GRM8: variants seen among roughly 807,000 people sequenced by gnomAD.
GRM8 encodes glutamate metabotropic receptor 8, also known as metabotropic glutamate receptor 8.
Under a neutral mutation model 87.2 loss-of-function variants are expected in GRM8, and 47 were observed. The ratio of observed to expected loss-of-function variants is 0.54; its 90% CI spans 0.43 to 0.69. The LOEUF (loss-of-function observed/expected upper bound fraction) is 0.69, where lower values mean the gene tolerates loss of function less well. GRM8 is among the 30% of genes least tolerant of loss of function. The pLI, the probability that GRM8 is intolerant of heterozygous loss-of-function variation, is 0.00. For missense variants in GRM8, 1,019 were observed against 1,139.2 expected (o/e 0.89, Z 1.52); for synonymous variants, 396 against 404.5 (o/e 0.98, Z 0.25).
intron 3 of GRM8, among the ~76,000 whole-genome samples, chr7:126,943,918 C>T (rs1224598644): frequency 6.6e-6 from 1 of 152,204 alleles, no homozygotes; most frequent in African/African-American, 2.4e-5. Context: ...TTCTAAAGGA[C>T]TCGTTTCACC....
chr7:126,807,131 C>A (rs1480342175), intron 6 of GRM8, among the ~76,000 whole-genome samples: 1 of 152,192 alleles, frequency 6.6e-6, no homozygotes, highest in Non-Finnish European at 1.5e-5. Flanking sequence ...ATGAAGTACA[C>A]AAGCATTACT....
At chr7:127,038,351 G>T (rs150842801) in intron 3 of GRM8, among the ~76,000 whole-genome samples, 1 of 152,272 alleles carries the variant, frequency 6.6e-6, no homozygotes, top group East Asian at 1.9e-4. Context: ...AATACGAGAG[G>T]AGAGGATGGG....
chr7:126,904,171 T>C (rs575560253), intron 4 of GRM8, 45 bp from the exon 5 acceptor site: 2 of 1,479,748 alleles, frequency 1.4e-6, no homozygotes, highest in African/African-American at 2.8e-5. Flanking sequence ...GTATTAAAAA[T>C]ACCACAATTA....
intron 3 of GRM8, among the ~76,000 whole-genome samples, chr7:126,969,565 T>C (rs1232307891): frequency 2.6e-5 from 4 of 152,182 alleles, no homozygotes; most frequent in South Asian, 2.1e-4. Context: ...AAATTCCACT[T>C]CTAATTCTAG....
In GRM8 at chr7:127,066,612, G is replaced by A. The variant is rs17866032; in HGVS notation, c.727+39884C>T. ...TATAGTGATGAGATCTGGGTAATTA[G>A]CATATTCATCAACTCAAATACTTAT... On this transcript the variant is annotated intron_variant, in intron 3 of 10. Coordinates refer to ENST00000339582, the MANE Select transcript of GRM8 (RefSeq NM_000845.3). Among the ~76,000 whole-genome samples the A allele has an allele frequency of 4.6e-5, 7 of 152,148 alleles. No individual in the cohort carries two copies. The East Asian group carries it at 9.7e-4, about 21-fold the overall frequency.
intron 3 of GRM8, among the ~76,000 whole-genome samples, chr7:127,096,558 TAAA>T (rs11315693): frequency 7.1e-6 from 1 of 140,438 alleles, no homozygotes; most frequent in Non-Finnish European, 1.6e-5. Flanking sequence ...AGACTGGGTC[TAAA>T]AAAAAAAAAA....
intron 3 of GRM8, among the ~76,000 whole-genome samples, chr7:126,976,610 C>A (rs17869692): frequency 0.011 from 1,665 of 151,122 alleles, 35 homozygotes; most frequent in East Asian, 0.091. Flanking sequence ...ACAACAACAA[C>A]AAAAAAAACG....
chr7:127,229,538 T>A (rs140877695), intron 2 of GRM8: 3 of 152,046 alleles, frequency 2.0e-5, no homozygotes, highest in Admixed American at 2.0e-4. Flanking sequence ...AGAGGAAAAA[T>A]ATCCAAGGAT....
At chr7:126,787,277 G>T (rs1213183653) in intron 6 of GRM8, among the ~76,000 whole-genome samples, 1 of 152,156 alleles carries the variant, frequency 6.6e-6, no homozygotes, top group Non-Finnish European at 1.5e-5. Flanking sequence ...AACAAATTTA[G>T]ATGGCCATTT....
At chr7:126,893,579 A>G (rs976360482) in intron 6 of GRM8, among the ~76,000 whole-genome samples, 3 of 151,996 alleles carry the variant, frequency 2.0e-5, no homozygotes, top group African/African-American at 7.2e-5. Flanking sequence ...TTATAGACCA[A>G]TTAATTAACT....
intron 6 of GRM8, among the ~76,000 whole-genome samples, chr7:126,829,234 T>C (rs1586108729): frequency 6.8e-6 from 1 of 146,808 alleles, no homozygotes; most frequent in South Asian, 2.3e-4. Context: ...GGTGCAGAGC[T>C]GAGTTCAATT....
chr7:126,929,993 T>C (rs1805595305), intron 3 of GRM8, among the ~76,000 whole-genome samples: 1 of 152,194 alleles, frequency 6.6e-6, no homozygotes, highest in African/African-American at 2.4e-5. Context: ...ATGTATTTCA[T>C]TGAATTAATA....
chr7:127,034,501 C>T (rs1817669300), intron 3 of GRM8, among the ~76,000 whole-genome samples: 1 of 152,166 alleles, frequency 6.6e-6, no homozygotes, highest in Admixed American at 6.6e-5. Flanking sequence ...CCAACAGTTG[C>T]TCTGCTATAC....
At chr7:126,947,125 T>G (rs940161844) in intron 3 of GRM8, among the ~76,000 whole-genome samples, 4 of 152,230 alleles carry the variant, frequency 2.6e-5, no homozygotes, top group African/African-American at 9.6e-5. Context: ...AGGCTTCATT[T>G]ACTCTTCATT....
intron 9 of GRM8, among the ~76,000 whole-genome samples, chr7:126,477,353 G>A (rs1432888663): frequency 1.3e-5 from 2 of 152,068 alleles, no homozygotes; most frequent in Admixed American, 1.3e-4. Flanking sequence ...CTAAAAATTT[G>A]TTAAGAGAGT....
At chr7:126,838,626 C>T (rs985058263) in intron 6 of GRM8, among the ~76,000 whole-genome samples, 2 of 152,188 alleles carry the variant, frequency 1.3e-5, no homozygotes, top group African/African-American at 4.8e-5. Flanking sequence ...TGCTAAGAAG[C>T]ACTGTAATGT....
In GRM8 at chr7:126,933,551, T is replaced by C. The variant is rs893437246; in HGVS notation, c.728-28868A>G. On this transcript the variant is annotated intron_variant, in intron 3 of 10. Transcript: ENST00000339582. ...CAGCACCTGGTGTTCTTAGCACTAA[T>C]CACAGCTTATAGGTCAATAACTCTG... 2.6e-5 allele frequency among the ~76,000 whole-genome samples: 4 copies of C among 152,186 alleles called. 1 individual carries two copies. The highest frequency in any genetic ancestry group is 4.1e-4 in the South Asian group (2 of 4,828).
At chr7:127,186,169 G>C (rs11563699) in intron 2 of GRM8, among the ~76,000 whole-genome samples, 19,847 of 152,054 alleles carry the variant, frequency 0.13, 1,352 homozygotes, top group Non-Finnish European at 0.15. Context: ...ATCCAGGCAA[G>C]AAAAACCAGT....
At chr7:126,930,978 T>C (rs1350017155) in intron 3 of GRM8, among the ~76,000 whole-genome samples, 4 of 152,146 alleles carry the variant, frequency 2.6e-5, no homozygotes, top group Non-Finnish European at 5.9e-5. Flanking sequence ...CACTGCTTGG[T>C]GCAGATGGAG....
Sources: allele counts gnomAD v4.1 joint callset (sites outside exome capture counted in the v4.1 genomes callset), GRCh38; gene constraint gnomAD v4.1.1; transcripts MANE v1.5; gene names NCBI Gene and HGNC (gene_info 2026-07-23, HGNC 2026-07-21).